The following CRPPA variants were observed in gnomAD, a reference collection of about 807,000 sequenced individuals.
The protein encoded by CRPPA is CDP-L-ribitol pyrophosphorylase A.
CRPPA carries 43 observed loss-of-function variants against 52.0 expected under a neutral mutation model. That is an observed-to-expected ratio of 0.83 (90% CI 0.65 to 1.07). The LOEUF is 1.07. Ranked by LOEUF, CRPPA falls within the 50% of genes least tolerant of loss-of-function variation. The pLI, the probability that CRPPA is intolerant of heterozygous loss-of-function variation, is 0.00. For missense variants in CRPPA, 629 were observed against 551.7 expected (o/e 1.14, Z -1.40); for synonymous variants, 250 against 203.5 (o/e 1.23, Z -1.94).
At chr7:16,112,728 T>C (rs1183902592) in intron 9 of CRPPA, among the ~76,000 whole-genome samples, 1 of 152,088 alleles carries the variant, frequency 6.6e-6, no homozygotes, top group African/African-American at 2.4e-5. Context: ...GTTTAGAAAC[T>C]AGAAACTTAA....
chr7:16,106,428 C>G (rs549986379), intron 9 of CRPPA, among the ~76,000 whole-genome samples: 3 of 152,160 alleles, frequency 2.0e-5, no homozygotes, highest in Non-Finnish European at 4.4e-5. Context: ...ACTAGTCTGA[C>G]CAGAAGCTAC....
intron 9 of CRPPA, among the ~76,000 whole-genome samples, chr7:16,154,860 C>T (rs896595811): frequency 5.3e-5 from 8 of 149,638 alleles, no homozygotes; most frequent in East Asian, 2.0e-4. Flanking sequence ...CAGGCTGGAG[C>T]GCAGTGGCAC....
chr7:16,169,937 G>C (rs1183358252), intron 9 of CRPPA, among the ~76,000 whole-genome samples: 1 of 152,160 alleles, frequency 6.6e-6, no homozygotes, highest in African/African-American at 2.4e-5. Context: ...AGATATTCCT[G>C]TTGATATAAT....
rs139082210 is a variant in CRPPA, at chr7:16,168,373, C to T, written c.1251+47693G>A. On this transcript the variant is annotated intron_variant, in intron 9 of 9. Coordinates refer to ENST00000407010, the MANE Select transcript of CRPPA (RefSeq NM_001101426.4). ...TATGACATATCTGGAATCCTTTATA[C>T]ACAAACCAGTATTAATGGTACTAAA... 2.0e-5 allele frequency among the ~76,000 whole-genome samples: 3 copies of T among 152,142 alleles called. No homozygotes were observed. The East Asian group carries it at 5.8e-4, about 29-fold the overall frequency.
At chr7:16,361,139 T>C (rs775218671) in intron 3 of CRPPA, among the ~76,000 whole-genome samples, 11 of 152,146 alleles carry the variant, frequency 7.2e-5, no homozygotes, top group Non-Finnish European at 1.6e-4. Context: ...ATTAGAGAAA[T>C]GCAAATCAAA....
At chr7:16,191,076 G>A (rs906779082) in intron 9 of CRPPA, among the ~76,000 whole-genome samples, 2 of 152,082 alleles carry the variant, frequency 1.3e-5, no homozygotes, top group Non-Finnish European at 2.9e-5. Flanking sequence ...TTATCCAATT[G>A]TTAATTGTGT....
At chr7:16,254,845 G>GAAAGAA (rs1278951313) in intron 8 of CRPPA, among the ~76,000 whole-genome samples, 10 of 142,558 alleles carry the variant, frequency 7.0e-5, no homozygotes, top group African/African-American at 5.2e-5. Flanking sequence ...AAGAAAGAAA[G>GAAAGAA]AGAAAGAAGA....
At chr7:16,338,110 C>T (rs758607407) in intron 3 of CRPPA, among the ~76,000 whole-genome samples, 10 of 151,940 alleles carry the variant, frequency 6.6e-5, no homozygotes, top group Non-Finnish European at 1.3e-4. Flanking sequence ...TATTAGCAAA[C>T]CAATTGGGAA....
At chr7:16,151,597 T>C (rs1334863142) in intron 9 of CRPPA, among the ~76,000 whole-genome samples, 1 of 151,982 alleles carries the variant, frequency 6.6e-6, no homozygotes, top group Admixed American at 6.6e-5. Flanking sequence ...TAAAGTATAT[T>C]TTAAAAAAAT....
intron 3 of CRPPA, among the ~76,000 whole-genome samples, chr7:16,350,949 G>A (rs1227133815): frequency 2.0e-5 from 3 of 152,050 alleles, no homozygotes; most frequent in African/African-American, 7.2e-5. Flanking sequence ...AAGAATAGCT[G>A]TACTATTTTC....
intron 8 of CRPPA, among the ~76,000 whole-genome samples, chr7:16,255,907 C>T (rs1314651744): frequency 6.6e-6 from 1 of 152,086 alleles, no homozygotes; most frequent in East Asian, 1.9e-4. Flanking sequence ...ACTAAAACAC[C>T]AAAAGCAATG....
At chr7:16,413,737 A>G (rs540090721) in intron 1 of CRPPA, among the ~76,000 whole-genome samples, 4 of 152,358 alleles carry the variant, frequency 2.6e-5, no homozygotes, top group African/African-American at 9.6e-5. Flanking sequence ...AAGTTTTTTT[A>G]AAAAACAAAG....
At chr7:16,200,512 C>T (rs1242206442) in intron 9 of CRPPA, among the ~76,000 whole-genome samples, 1 of 152,140 alleles carries the variant, frequency 6.6e-6, no homozygotes, top group African/African-American at 2.4e-5. Context: ...CCTACAAATT[C>T]AAAACATTGG....
chr7:16,183,539 C>A (rs888533683), intron 9 of CRPPA, among the ~76,000 whole-genome samples: 2 of 152,136 alleles, frequency 1.3e-5, no homozygotes, highest in Non-Finnish European at 2.9e-5. Flanking sequence ...ATTCAGGAAG[C>A]TTCTAGTATG....
At chr7:16,349,505 C>A (rs972002039) in intron 3 of CRPPA, among the ~76,000 whole-genome samples, 1 of 152,050 alleles carries the variant, frequency 6.6e-6, no homozygotes, top group East Asian at 1.9e-4. Context: ...GAATTTAGAA[C>A]AATGGTCATA....
chr7:16,335,136 TAA>T (rs1341397104), intron 3 of CRPPA, among the ~76,000 whole-genome samples: 5 of 48,208 alleles, frequency 1.0e-4, no homozygotes. Context: ...CCTGGCAACA[TAA>T]AGAGACCCAT....
chr7:16,355,067 T>C (rs1786259505), intron 3 of CRPPA, among the ~76,000 whole-genome samples: 1 of 152,194 alleles, frequency 6.6e-6, no homozygotes, highest in Admixed American at 6.5e-5. Context: ...TAACTGTATC[T>C]TTTATAAGCA....
chr7:16,339,155 C>CA (rs1197163767), intron 3 of CRPPA, among the ~76,000 whole-genome samples: 3 of 152,024 alleles, frequency 2.0e-5, no homozygotes, highest in African/African-American at 7.2e-5. Context: ...CAATCTCTTT[C>CA]AGACTATCAA....
At chr7:16,280,497 C>T (rs1379015740) in intron 5 of CRPPA, among the ~76,000 whole-genome samples, 3 of 152,234 alleles carry the variant, frequency 2.0e-5, no homozygotes, top group Non-Finnish European at 4.4e-5. Flanking sequence ...TCTGCAAATG[C>T]AACAATTAAT....
Sources: gnomAD v4.1 joint callset for allele counts (sites outside exome capture counted in the v4.1 genomes callset) on GRCh38, gnomAD v4.1.1 for gene constraint, MANE v1.5 for transcripts, NCBI Gene and HGNC (gene_info 2026-07-23, HGNC 2026-07-21) for gene names.